CTNNA2: variants seen among roughly 807,000 people sequenced by gnomAD.
The protein encoded by CTNNA2 is catenin alpha-2.
CTNNA2 carries 42 observed loss-of-function variants against 101.0 expected under a neutral mutation model. That is an observed-to-expected ratio of 0.42 (90% confidence interval 0.32 to 0.54). The LOEUF is 0.54. Among genes scored for constraint, CTNNA2 ranks in the 20% least tolerant of loss-of-function variants. CTNNA2 has a pLI of 0.14. For synonymous variants in CTNNA2, 450 were observed against 456.4 expected (o/e 0.99, Z 0.18); for missense variants, 871 against 1,223.1 (o/e 0.71, Z 4.29).
At chr2:80,301,282 A>C (rs1447791078) in intron 7 of CTNNA2, among the ~76,000 whole-genome samples, 4 of 152,210 alleles carry the variant, frequency 2.6e-5, no homozygotes, top group African/African-American at 9.7e-5. Context: ...TCAGCCCTAA[A>C]CATCGGGATT....
chr2:80,230,774 A>C (rs1709164242), intron 7 of CTNNA2, among the ~76,000 whole-genome samples: 1 of 152,114 alleles, frequency 6.6e-6, no homozygotes, highest in Admixed American at 6.5e-5. Flanking sequence ...CAGGGATCCA[A>C]AACTGGAGCT....
At chr2:79,905,204 G>A (rs1685339070) in intron 6 of CTNNA2, among the ~76,000 whole-genome samples, 1 of 151,986 alleles carries the variant, frequency 6.6e-6, no homozygotes, top group Non-Finnish European at 1.5e-5. Context: ...AACTCATAAA[G>A]CACAAAATAG....
At chr2:79,859,004 T>TGATGTAAC (rs1359668615) in intron 4 of CTNNA2, among the ~76,000 whole-genome samples, 3 of 151,690 alleles carry the variant, frequency 2.0e-5, no homozygotes, top group Non-Finnish European at 4.4e-5. Context: ...TTAACAAAGA[T>TGATGTAAC]GATGTAACTT....
intron 4 of CTNNA2, among the ~76,000 whole-genome samples, chr2:79,859,124 G>C (rs1681381303): frequency 6.6e-6 from 1 of 152,020 alleles, no homozygotes. Flanking sequence ...AGGGTACTTA[G>C]ATGATGAGAT....
intron 15 of CTNNA2, among the ~76,000 whole-genome samples, chr2:80,595,647 CTGTT>C (rs988403567): frequency 1.4e-4 from 21 of 151,838 alleles, no homozygotes; most frequent in Non-Finnish European, 2.4e-4. Flanking sequence ...AACTGAAACA[CTGTT>C]TGACAGTTTT....
chr2:79,433,627 A>G (rs74509343), intron 4 of CTNNA2, among the ~76,000 whole-genome samples: 82 of 20,824 alleles, frequency 3.9e-3, no homozygotes, highest in African/African-American at 0.035. Flanking sequence ...CTTTGAGGAA[A>G]AAAAAAAAAA....
chr2:80,217,285 AT>A (rs1708327505), intron 7 of CTNNA2, among the ~76,000 whole-genome samples: 1 of 152,080 alleles, frequency 6.6e-6, no homozygotes, highest in African/African-American at 2.4e-5. Flanking sequence ...CCATTTTTAC[AT>A]TGGTTTCTAA....
chr2:79,868,196 CATATTTTTATA>C (rs1270104755), intron 4 of CTNNA2, among the ~76,000 whole-genome samples: 1 of 152,076 alleles, frequency 6.6e-6, no homozygotes, highest in East Asian at 1.9e-4. Context: ...ATCATCGTTT[CATATTTTTATA>C]ATTAGGGAAA....
intron 1 of CTNNA2, among the ~76,000 whole-genome samples, chr2:79,588,952 A>T (rs917658328): frequency 2.0e-5 from 3 of 152,126 alleles, no homozygotes; most frequent in Admixed American, 6.5e-5. Flanking sequence ...TATTAACAGT[A>T]CTCCTCTCAT....
chr2:80,244,613 G>A (rs1336641880), intron 7 of CTNNA2, among the ~76,000 whole-genome samples: 2 of 152,186 alleles, frequency 1.3e-5, no homozygotes, highest in East Asian at 1.9e-4. Flanking sequence ...TCAGACAATA[G>A]CACCTCTTTT....
intron 7 of CTNNA2, among the ~76,000 whole-genome samples, chr2:80,359,420 T>A (rs1674166970): frequency 6.6e-6 from 1 of 152,146 alleles, no homozygotes; most frequent in African/African-American, 2.4e-5. Context: ...TCAGTTGTAA[T>A]CCCCAGTGTT....
Position 79,869,597 on chromosome 2 carries a change from T to C in CTNNA2, c.466-219T>C, listed in dbSNP as rs533822124. 3.3e-5 allele frequency among the ~76,000 whole-genome samples: 5 copies of C among 152,334 alleles called. No individual in the cohort carries two copies. In the East Asian group the frequency reaches 9.6e-4, roughly 29 times the overall value. On this transcript the variant is annotated intron_variant, in intron 4 of 18. Coordinates refer to ENST00000402739, the MANE Select transcript of CTNNA2 (RefSeq NM_001282597.3). ...ACAGGATTTTATATGCACCAGGAGT[T>C]CAGCAATTGCTTTTTTATATACAAA...
intron 9 of CTNNA2, among the ~76,000 whole-genome samples, chr2:80,507,420 A>G (rs1010398140): frequency 1.3e-5 from 2 of 152,184 alleles, no homozygotes; most frequent in Non-Finnish European, 2.9e-5. Flanking sequence ...TTGAGTTCTC[A>G]TAATGTAAAA....
rs542442000 is a variant in CTNNA2, at chr2:80,258,880, G to A, written c.1057-134331G>A. On this transcript the variant is annotated intron_variant, in intron 7 of 18. Coordinates refer to ENST00000402739, the MANE Select transcript of CTNNA2 (RefSeq NM_001282597.3). ...TGGTGGAAAGGACTCTGCTCTTACC[G>A]CCTCACTTCCCAGAGACATGGTACC... 6.6e-5 allele frequency among the ~76,000 whole-genome samples: 10 copies of A among 152,166 alleles called. No homozygotes were observed. In the South Asian group the frequency reaches 1.0e-3, roughly 16 times the overall value.
intron 3 of CTNNA2, among the ~76,000 whole-genome samples, chr2:79,342,171 A>C (rs1677153067): frequency 6.6e-6 from 1 of 152,228 alleles, no homozygotes; most frequent in Non-Finnish European, 1.5e-5. Flanking sequence ...GCTAATACTC[A>C]CATGGGAACA....
At chr2:79,890,548 G>A (rs1433301673) in intron 6 of CTNNA2, among the ~76,000 whole-genome samples, 1 of 151,952 alleles carries the variant, frequency 6.6e-6, no homozygotes, top group East Asian at 1.9e-4. Context: ...ATCTCTTGCT[G>A]TTATCATCTA....
At chr2:80,547,359 GGTTTT>G (rs1692166945) in intron 11 of CTNNA2, among the ~76,000 whole-genome samples, 1 of 152,090 alleles carries the variant, frequency 6.6e-6, no homozygotes, top group South Asian at 2.1e-4. Flanking sequence ...ACTAATTCTA[GGTTTT>G]GTTTTAAGAA....
At chr2:79,294,646 CA>C (rs1675931258) in intron 2 of CTNNA2, among the ~76,000 whole-genome samples, 1 of 152,114 alleles carries the variant, frequency 6.6e-6, no homozygotes, top group Admixed American at 6.5e-5. Context: ...TATAGATTAT[CA>C]GAAGGAATAA....
intron 3 of CTNNA2, among the ~76,000 whole-genome samples, chr2:79,333,147 A>G (rs796079258): frequency 1.3e-5 from 2 of 152,186 alleles, no homozygotes; most frequent in South Asian, 4.1e-4. Context: ...GGGAGCAAAC[A>G]TTTAGAAATG....
Sources: allele counts gnomAD v4.1 joint callset (sites outside exome capture counted in the v4.1 genomes callset), GRCh38; gene constraint gnomAD v4.1.1; transcripts MANE v1.5; gene names NCBI Gene and HGNC (gene_info 2026-07-23, HGNC 2026-07-21).